ZNF577: variants seen among roughly 807,000 people sequenced by gnomAD.
ZNF577 encodes the protein zinc finger protein 577.
Under a neutral mutation model 13.9 loss-of-function variants are expected in ZNF577, and 14 were observed. The observed-to-expected ratio is 1.00, with a 90% CI of 0.66 to 1.57. The LOEUF (loss-of-function observed/expected upper bound fraction) is 1.57, where lower values mean the gene tolerates loss of function less well. ZNF577 is among the 40% of genes most tolerant of loss of function. ZNF577 has a pLI of 0.00. For synonymous variants in ZNF577, 203 were observed against 202.9 expected (o/e 1.00, Z 0.00); for missense variants, 555 against 579.2 (o/e 0.96, Z 0.43).
chr19:51,843,338 A>C (rs1332885251), intron 6 of ZNF577: 1 of 150,454 alleles, frequency 6.6e-6, no homozygotes, highest in African/African-American at 2.5e-5. Context: ...AATCCTTTTA[A>C]ATTCTGGAGT....
intron 7 of ZNF577, chr19:51,843,081 G>T (rs1266186821): frequency 6.6e-6 from 1 of 152,108 alleles, no homozygotes; most frequent in Non-Finnish European, 1.5e-5. Flanking sequence ...AGTTCTAAAA[G>T]TCAAAGTCCA....
chr19:51,880,353 C>T lies in ZNF577; in HGVS notation c.30G>A (p.Val10=), dbSNP rs753747730. MKNATIVMS[V]RREQGSSSGE... ...CTGAAGAACTGCCTTGCTCTCTCCT[C>T]ACAGACATTACAATCGTGGCATTTT... Residue 10 remains valine, a synonymous_variant, in exon 3 of 6, where the codon GTG becomes GTA. Coordinates refer to ENST00000638348, the MANE Select transcript of ZNF577 (RefSeq NM_001370449.1). 1.1e-5 allele frequency: 17 copies of T among 1,614,022 alleles called. No individual in the cohort carries two copies. The highest frequency in any genetic ancestry group is 8.3e-5 in the Admixed American group (5 of 60,004).
chr19:51,850,752 G>A (rs990961299), intron 5 of ZNF577, among the ~76,000 whole-genome samples: 11 of 152,188 alleles, frequency 7.2e-5, no homozygotes, highest in East Asian at 5.8e-4. Context: ...CTTGCAGCTG[G>A]TGTCAGAAGT....
chr19:51,831,586 G>A (rs762623685), intron 9 of ZNF577, among the ~76,000 whole-genome samples: 2 of 151,922 alleles, frequency 1.3e-5, no homozygotes, highest in Non-Finnish European at 2.9e-5. Context: ...TTGCTCTACA[G>A]CAATCAGTTA....
chr19:51,870,862 C>CATCT lies in ZNF577; in HGVS notation c.*1666_*1669dup, dbSNP rs1446144048. On this transcript the variant is annotated 3_prime_UTR_variant, in exon 6 of 6. Transcript: ENST00000638348. ...ACTAAGCTGGGGCAATCATAAGGCT[C>CATCT]ATCTCATTGTTTCCTTTCTGTCATG... Among the ~76,000 whole-genome samples, 1 of 152,168 alleles carries CATCT rather than the reference C, an allele frequency of 6.6e-6. No homozygotes were observed. The highest frequency in any genetic ancestry group is 1.5e-5 in the Non-Finnish European group (1 of 68,040).
intron 9 of ZNF577, among the ~76,000 whole-genome samples, chr19:51,837,733 A>T (rs893969560): frequency 6.6e-6 from 1 of 152,150 alleles, no homozygotes; most frequent in Non-Finnish European, 1.5e-5. Flanking sequence ...CAATAATTGC[A>T]AAGGGGCACA....
intron 9 of ZNF577, among the ~76,000 whole-genome samples, chr19:51,813,666 G>A (rs2084114164): frequency 6.6e-6 from 1 of 152,030 alleles, no homozygotes; most frequent in South Asian, 2.1e-4. Context: ...GAATATCTGG[G>A]ACTAGAGGTG....
At chr19:51,880,929 C>A (rs1024083202) in intron 1 of ZNF577, 52 bp from the exon 2 acceptor site, 1 of 153,752 alleles carries the variant, frequency 6.5e-6, no homozygotes, top group Non-Finnish European at 1.4e-5. Flanking sequence ...CCTAGGATCA[C>A]AAGTCTCCAA....
chr19:51,809,008 G>A (rs546210628), intron 10 of ZNF577, among the ~76,000 whole-genome samples: 18 of 152,314 alleles, frequency 1.2e-4, no homozygotes, highest in African/African-American at 3.8e-4. Flanking sequence ...AAATCCTGAC[G>A]TCCTAGCCCT....
intron 1 of ZNF577, among the ~76,000 whole-genome samples, chr19:51,882,100 G>T (rs2084870582): frequency 1.3e-5 from 2 of 152,034 alleles, no homozygotes; most frequent in Admixed American, 1.3e-4. Context: ...CTCCCTACAG[G>T]ACCAGTCCAA....
At chr19:51,846,646 T>A (rs887212873) in intron 5 of ZNF577, among the ~76,000 whole-genome samples, 1 of 151,816 alleles carries the variant, frequency 6.6e-6, no homozygotes, top group Non-Finnish European at 1.5e-5. Context: ...AGGCAGAGGT[T>A]GCAGTGAGCC....
rs71180419 is a variant in ZNF577, at chr19:51,815,567, T to TAA, written c.*600-3895_*600-3894dup. On this transcript the variant is annotated intron_variant and NMD_transcript_variant, in intron 9 of 10. Transcript: ENST00000638827. The stretch of plus-strand genomic sequence containing the variant: ...CTGAGGGACAGGGTGAGACTCTGTC[T>TAA]AAAAAAAAAAAAGGTAGACACCAGG... Among the ~76,000 whole-genome samples the TAA allele has an allele frequency of 2.6e-3, 373 of 143,854 alleles. 5 individuals are homozygous for TAA. Among genetic ancestry groups the TAA allele is most frequent in the African/African-American group, 6.8e-3 (264 of 38,952 alleles). The allele number at this position is 143,854 out of a possible 152,430, so 94.4% of individuals were successfully genotyped here.
intron 9 of ZNF577, among the ~76,000 whole-genome samples, chr19:51,813,644 C>A (rs2084113848): frequency 6.6e-6 from 1 of 152,060 alleles, no homozygotes; most frequent in South Asian, 2.1e-4. Context: ...CATTTTCCCA[C>A]CTCAGCCTCC....
chr19:51,873,713 G>C lies in ZNF577; in HGVS notation c.284-7C>G. The C allele has an allele frequency of 6.3e-7, 1 of 1,589,578 alleles. No individual in the cohort carries two copies. Among genetic ancestry groups the C allele is most frequent in the Non-Finnish European group, 8.6e-7 (1 of 1,167,384 alleles). ...CTACTCTGGATTACAAAACCTAAAT[G>C]AGATTTCAAACTTTTACAATGCGAG... On this transcript the variant is annotated splice_region_variant and splice_polypyrimidine_tract_variant and intron_variant, in intron 5 of 5. Coordinates refer to ENST00000638348, the MANE Select transcript of ZNF577 (RefSeq NM_001370449.1).
intron 10 of ZNF577, among the ~76,000 whole-genome samples, chr19:51,806,715 T>C (rs902918333): frequency 1.3e-5 from 2 of 152,224 alleles, no homozygotes; most frequent in Non-Finnish European, 2.9e-5. Context: ...GGTATTCCCA[T>C]ATGAGCAAAT....
intron 8 of ZNF577, among the ~76,000 whole-genome samples, chr19:51,841,989 C>A (rs1237793402): frequency 6.6e-6 from 1 of 152,138 alleles, no homozygotes; most frequent in East Asian, 1.9e-4. Context: ...TGCAGATACA[C>A]AGTGTAAGTC....
chr19:51,809,889 G>A (rs1307435717), intron 10 of ZNF577, among the ~76,000 whole-genome samples: 1 of 152,106 alleles, frequency 6.6e-6, no homozygotes, highest in Non-Finnish European at 1.5e-5. Context: ...GACTGGGAAT[G>A]CCCTCATTGT....
Position 51,872,574 on chromosome 19 carries a change from T to C in ZNF577, c.1416A>G (p.Val472=). The change falls in exon 6 of 6, where the codon GTA becomes GTG. Residue 472 remains valine, a synonymous_variant. Coordinates refer to ENST00000638348, the MANE Select transcript of ZNF577 (RefSeq NM_001370449.1). ...LTNEVNVAPS[V]INYILYLTDI... The stretch of plus-strand genomic sequence containing the variant: ...CTGTAAGATACAAGATATAATTTAT[T>C]ACTGATGGGGCCACATTCACTTCAT... The C allele has an allele frequency of 6.2e-7, 1 of 1,609,582 alleles. No homozygotes were observed. Among genetic ancestry groups the C allele is most frequent in the Non-Finnish European group, 8.5e-7 (1 of 1,178,386 alleles).
chr19:51,876,600 C>T (rs1041955823), intron 5 of ZNF577, among the ~76,000 whole-genome samples: 7 of 151,886 alleles, frequency 4.6e-5, no homozygotes, highest in Admixed American at 1.3e-4. Context: ...CCAGAGGGGC[C>T]GGGATACACT....
Sources: allele counts gnomAD v4.1 joint callset (sites outside exome capture counted in the v4.1 genomes callset), GRCh38; gene constraint gnomAD v4.1.1; transcripts MANE v1.5; gene names NCBI Gene and HGNC (gene_info 2026-07-23, HGNC 2026-07-21).